PARD3: variants seen among roughly 807,000 people sequenced by gnomAD.
PARD3 encodes par-3 family cell polarity regulator, also known as partitioning defective 3 homolog.
In PARD3, 75 loss-of-function variants were observed where a neutral mutation model predicts 155.4. The ratio of observed to expected loss-of-function variants is 0.48; its 90% CI spans 0.40 to 0.58. PARD3 has a LOEUF of 0.58. Among genes scored for constraint, PARD3 ranks in the 20% least tolerant of loss-of-function variants. PARD3 has a pLI of 0.00. For missense variants in PARD3, 1,642 were observed against 1,721.7 expected (o/e 0.95, Z 0.82); for synonymous variants, 576 against 610.5 (o/e 0.94, Z 0.83).
intron 22 of PARD3, among the ~76,000 whole-genome samples, chr10:34,235,089 T>A (rs1406856703): frequency 1.3e-5 from 2 of 152,218 alleles, no homozygotes; most frequent in East Asian, 3.8e-4. Context: ...TAAGTTACTA[T>A]TAATTTTTTA....
chr10:34,721,861 A>G (rs2094611645), intron 1 of PARD3, among the ~76,000 whole-genome samples: 1 of 152,154 alleles, frequency 6.6e-6, no homozygotes, highest in Non-Finnish European at 1.5e-5. Flanking sequence ...AAACTCTAAC[A>G]CTAGAAAAAC....
At chr10:34,233,251 A>G (rs1214470648) in intron 22 of PARD3, among the ~76,000 whole-genome samples, 1 of 151,750 alleles carries the variant, frequency 6.6e-6, no homozygotes, top group Non-Finnish European at 1.5e-5. Context: ...GAAACAGTGG[A>G]CTGCTGCCTC....
intron 1 of PARD3, among the ~76,000 whole-genome samples, chr10:34,780,538 G>A (rs868538636): frequency 1.3e-5 from 2 of 152,140 alleles, no homozygotes. Flanking sequence ...TTTCTTGGAG[G>A]TCATCAGGAG....
chr10:34,411,129 G>C (rs1845002234), intron 5 of PARD3, among the ~76,000 whole-genome samples: 1 of 152,126 alleles, frequency 6.6e-6, no homozygotes, highest in African/African-American at 2.4e-5. Flanking sequence ...TCAGTTCTTA[G>C]ACAGCTGCTC....
chr10:34,588,689 A>G (rs950359837), intron 2 of PARD3, among the ~76,000 whole-genome samples: 4 of 152,110 alleles, frequency 2.6e-5, no homozygotes, highest in African/African-American at 9.7e-5. Context: ...TCTTGCTGCA[A>G]TCCCGTTAGT....
At chr10:34,585,555 T>TG (rs2087940344) in intron 2 of PARD3, among the ~76,000 whole-genome samples, 2 of 151,704 alleles carry the variant, frequency 1.3e-5, no homozygotes, top group Non-Finnish European at 1.5e-5. Context: ...TTCTTTTTTT[T>TG]TTTGGCAAAA....
intron 20 of PARD3, among the ~76,000 whole-genome samples, chr10:34,297,487 C>T (rs1956961822): frequency 6.6e-6 from 1 of 152,186 alleles, no homozygotes; most frequent in Non-Finnish European, 1.5e-5. Context: ...GAAATCATCA[C>T]TGAATATGTA....
At chr10:34,314,193 GA>G (rs34617785) in intron 20 of PARD3, among the ~76,000 whole-genome samples, 42,006 of 143,342 alleles carry the variant, frequency 0.29, 6,918 homozygotes, top group South Asian at 0.46. Context: ...GTTGTTAGGA[GA>G]AAAAAAAAAA....
intron 1 of PARD3, among the ~76,000 whole-genome samples, chr10:34,787,948 A>AT (rs1166169945): frequency 0.014 from 1,959 of 141,338 alleles, 33 homozygotes; most frequent in African/African-American, 0.036. Context: ...TGCCCAGCTA[A>AT]TTTTTTTTTT....
intron 2 of PARD3, among the ~76,000 whole-genome samples, chr10:34,633,664 T>C (rs1052472875): frequency 1.3e-5 from 2 of 152,238 alleles, no homozygotes; most frequent in Non-Finnish European, 1.5e-5. Flanking sequence ...CTTCGACATA[T>C]TGATTTCAAA....
chr10:34,562,413 G>T (rs759749357), intron 2 of PARD3, among the ~76,000 whole-genome samples: 1 of 152,044 alleles, frequency 6.6e-6, no homozygotes, highest in Non-Finnish European at 1.5e-5. Flanking sequence ...CTCCAGCCTG[G>T]CGACAGAGTA....
At chr10:34,115,495 G>A (rs986910647) in intron 24 of PARD3, among the ~76,000 whole-genome samples, 1 of 152,104 alleles carries the variant, frequency 6.6e-6, no homozygotes, top group African/African-American at 2.4e-5. Flanking sequence ...TGACAGAGGA[G>A]CAATTTTTCT....
chr10:34,766,373 T>C (rs958764910), intron 1 of PARD3, among the ~76,000 whole-genome samples: 4 of 152,164 alleles, frequency 2.6e-5, no homozygotes, highest in Admixed American at 1.3e-4. Flanking sequence ...AACACAGACA[T>C]CTGCTCTGCC....
intron 20 of PARD3, among the ~76,000 whole-genome samples, chr10:34,286,372 TAAC>T (rs79767887): frequency 0.088 from 13,468 of 152,250 alleles, 652 homozygotes; most frequent in Non-Finnish European, 0.1. Flanking sequence ...AATTAGCATA[TAAC>T]AACATCAGAC....
intron 22 of PARD3, among the ~76,000 whole-genome samples, chr10:34,179,168 GCACACACACACA>G (rs72378504): frequency 3.2e-5 from 3 of 94,534 alleles, no homozygotes; most frequent in African/African-American, 6.9e-5. Context: ...GTGCGTGCGC[GCACACACACACA>G]CACACACACA....
intron 1 of PARD3, among the ~76,000 whole-genome samples, chr10:34,770,190 C>T (rs997843493): frequency 3.3e-5 from 5 of 152,194 alleles, no homozygotes; most frequent in Non-Finnish European, 5.9e-5. Context: ...GTTTCAGTCA[C>T]CATGCCCACA....
At chr10:34,115,250 G>A (rs535819118) in intron 24 of PARD3, among the ~76,000 whole-genome samples, 3 of 152,216 alleles carry the variant, frequency 2.0e-5, no homozygotes, top group African/African-American at 7.2e-5. Flanking sequence ...CAAGGCTTTC[G>A]AGGAAGTCAG....
chr10:34,165,473 A>C (rs1328875603), intron 22 of PARD3, among the ~76,000 whole-genome samples: 1 of 152,166 alleles, frequency 6.6e-6, no homozygotes, highest in Non-Finnish European at 1.5e-5. Flanking sequence ...AATGTCTAGC[A>C]TTTTGCAAGG....
intron 22 of PARD3, among the ~76,000 whole-genome samples, chr10:34,246,592 C>T (rs1021373406): frequency 5.9e-5 from 9 of 152,244 alleles, no homozygotes; most frequent in South Asian, 2.1e-4. Flanking sequence ...GAAATCAGCA[C>T]GGGCCCTCTT....
Sources: allele counts gnomAD v4.1 joint callset (sites outside exome capture counted in the v4.1 genomes callset), GRCh38; gene constraint gnomAD v4.1.1; transcripts MANE v1.5; gene names NCBI Gene and HGNC (gene_info 2026-07-23, HGNC 2026-07-21).